Variants in ST18 observed in about 807,000 individuals in gnomAD.
ST18 encodes the protein suppression of tumorigenicity 18 protein.
ST18 carries 50 observed loss-of-function variants against 110.0 expected under a neutral mutation model. That is an observed-to-expected ratio of 0.45 (90% CI 0.36 to 0.58). The LOEUF is 0.58. Ranked by LOEUF, ST18 falls within the 20% of genes least tolerant of loss-of-function variation. ST18 has a pLI of 0.00. For missense variants in ST18, 1,306 were observed against 1,280.1 expected (o/e 1.02, Z -0.31); for synonymous variants, 461 against 452.4 (o/e 1.02, Z -0.24).
chr8:52,134,997 T>C (rs951202326), intron 19 of ST18, among the ~76,000 whole-genome samples: 10 of 152,218 alleles, frequency 6.6e-5, no homozygotes. Context: ...AATATTCCTA[T>C]AGGATCTCTC....
intron 2 of ST18, among the ~76,000 whole-genome samples, chr8:52,274,590 G>A (rs1196698208): frequency 7.0e-6 from 1 of 143,854 alleles, no homozygotes; most frequent in Non-Finnish European, 1.5e-5. Context: ...GAGAAAAGGA[G>A]ACAAGGGTAG....
At chr8:52,297,202 C>T (rs895807573) in intron 2 of ST18, among the ~76,000 whole-genome samples, 5 of 152,216 alleles carry the variant, frequency 3.3e-5, no homozygotes, top group African/African-American at 1.2e-4. Flanking sequence ...AGTCCGCACA[C>T]AGGCTCAGAG....
At chr8:52,344,483 C>T (rs933058194) in intron 2 of ST18, among the ~76,000 whole-genome samples, 1 of 152,094 alleles carries the variant, frequency 6.6e-6, no homozygotes, top group South Asian at 2.1e-4. Flanking sequence ...TCACTGCAAC[C>T]TCCACCTCCC....
intron 15 of ST18, among the ~76,000 whole-genome samples, chr8:52,151,350 A>G (rs2058756971): frequency 6.6e-6 from 1 of 152,176 alleles, no homozygotes; most frequent in African/African-American, 2.4e-5. Flanking sequence ...GATATGCTTT[A>G]CTATATTTGT....
intron 2 of ST18, among the ~76,000 whole-genome samples, chr8:52,315,372 G>C (rs537217195): frequency 1.9e-4 from 29 of 152,274 alleles, no homozygotes; most frequent in African/African-American, 6.3e-4. Flanking sequence ...GGAGGTGAGT[G>C]ACATCACCAA....
chr8:52,140,055 T>C (rs576956685), intron 17 of ST18, among the ~76,000 whole-genome samples: 47 of 152,286 alleles, frequency 3.1e-4, no homozygotes, highest in African/African-American at 1.0e-3. Flanking sequence ...ATTAGTGACA[T>C]CCAAAAAGTC....
chr8:52,228,507 A>C (rs2090275589), intron 3 of ST18, among the ~76,000 whole-genome samples: 1 of 152,104 alleles, frequency 6.6e-6, no homozygotes, highest in Admixed American at 6.6e-5. Context: ...AGAAAATGGC[A>C]CTCACCATAA....
At chr8:52,139,255 G>A (rs1439133629) in intron 17 of ST18, among the ~76,000 whole-genome samples, 1 of 151,998 alleles carries the variant, frequency 6.6e-6, no homozygotes, top group African/African-American at 2.4e-5. Flanking sequence ...AGTGAGAGGT[G>A]TTTCAATTGC....
chr8:52,353,939 C>T (rs900914270), intron 2 of ST18, among the ~76,000 whole-genome samples: 42 of 152,206 alleles, frequency 2.8e-4, no homozygotes, highest in African/African-American at 9.9e-4. Flanking sequence ...CCAGAAGATG[C>T]CTCTCTATTT....
At chr8:52,292,259 C>T (rs1433079219) in intron 2 of ST18, among the ~76,000 whole-genome samples, 1 of 152,208 alleles carries the variant, frequency 6.6e-6, no homozygotes, top group Non-Finnish European at 1.5e-5. Context: ...AATGCAGTGT[C>T]TCTTCACTTA....
intron 2 of ST18, among the ~76,000 whole-genome samples, chr8:52,300,916 G>A (rs2095711199): frequency 6.6e-6 from 1 of 152,150 alleles, no homozygotes. Context: ...AGAGAAAGTA[G>A]AGACTCACAA....
At chr8:52,185,104 G>T (rs1212964983) in intron 8 of ST18, among the ~76,000 whole-genome samples, 1 of 152,146 alleles carries the variant, frequency 6.6e-6, no homozygotes. Context: ...AGTAAATTTA[G>T]TGAGTTCACT....
chr8:52,339,929 C>T (rs1324519182), intron 2 of ST18, among the ~76,000 whole-genome samples: 1 of 152,208 alleles, frequency 6.6e-6, no homozygotes, highest in Non-Finnish European at 1.5e-5. Context: ...AAATAATTTG[C>T]CAAATAATGT....
chr8:52,360,549 A>G (rs1440607804), intron 2 of ST18, among the ~76,000 whole-genome samples: 1 of 152,172 alleles, frequency 6.6e-6, no homozygotes, highest in Non-Finnish European at 1.5e-5. Context: ...CTTAAAATAT[A>G]GAAGGACATG....
intron 2 of ST18, among the ~76,000 whole-genome samples, chr8:52,384,435 C>G (rs1835769041): frequency 6.6e-6 from 1 of 152,082 alleles, no homozygotes; most frequent in African/African-American, 2.4e-5. Context: ...TTTCCTCCTT[C>G]CCCACTTCAC....
chr8:52,247,770 C>A (rs1458147411), intron 2 of ST18, among the ~76,000 whole-genome samples: 1 of 152,066 alleles, frequency 6.6e-6, no homozygotes, highest in African/African-American at 2.4e-5. Context: ...TTGCTTTTTC[C>A]ACGATTTCTA....
chr8:52,174,655 C>T (rs368223632), intron 9 of ST18, among the ~76,000 whole-genome samples: 2 of 152,184 alleles, frequency 1.3e-5, no homozygotes, highest in Non-Finnish European at 2.9e-5. Context: ...CAACTGCTCG[C>T]ATTTTGGGTC....
chr8:52,146,323 G>C (rs2057260839), intron 16 of ST18, among the ~76,000 whole-genome samples: 1 of 152,130 alleles, frequency 6.6e-6, no homozygotes, highest in South Asian at 2.1e-4. Context: ...AAACACTTTA[G>C]ACAACTGTTG....
At chr8:52,350,639 G>A (rs1041769872) in intron 2 of ST18, among the ~76,000 whole-genome samples, 5 of 152,056 alleles carry the variant, frequency 3.3e-5, no homozygotes, top group Non-Finnish European at 7.4e-5. Flanking sequence ...AGGAAGTGGG[G>A]GAGGCAAGAT....
Sources: allele counts gnomAD v4.1 joint callset (sites outside exome capture counted in the v4.1 genomes callset), GRCh38; gene constraint gnomAD v4.1.1; transcripts MANE v1.5; gene names NCBI Gene and HGNC (gene_info 2026-07-23, HGNC 2026-07-21).